Variants in ATP8A2 observed in about 807,000 individuals in gnomAD.
ATP8A2 encodes the protein phospholipid-transporting ATPase IB.
ATP8A2 carries 100 observed loss-of-function variants against 165.6 expected under a neutral mutation model. The observed-to-expected ratio is 0.60, with a 90% confidence interval of 0.51 to 0.71. The LOEUF (loss-of-function observed/expected upper bound fraction) is 0.71. ATP8A2 is among the 30% of genes least tolerant of loss of function. ATP8A2 has a pLI of 0.00. For synonymous variants in ATP8A2, 543 were observed against 548.8 expected, an observed-to-expected ratio of 0.99 and a Z score of 0.15; for missense variants, 1,227 against 1,479.5, an observed-to-expected ratio of 0.83 and a Z score of 2.80.
intron 33 of ATP8A2, among the ~76,000 whole-genome samples, chr13:25,872,612 T>C (rs932805715): frequency 2.0e-5 from 3 of 152,138 alleles, no homozygotes; most frequent in Non-Finnish European, 4.4e-5. Context: ...TAGAAGCGAA[T>C]TGTTTGAAAT....
chr13:25,590,042 C>G (rs1359366055), intron 24 of ATP8A2, among the ~76,000 whole-genome samples: 1 of 152,172 alleles, frequency 6.6e-6, no homozygotes, highest in East Asian at 1.9e-4. Flanking sequence ...GTTAATTTCA[C>G]TATAAGTTAC....
chr13:25,530,463 A>G (rs2037995217), intron 3 of ATP8A2, 99 bp from the exon 4 acceptor site: 2 of 712,156 alleles, frequency 2.8e-6, no homozygotes, highest in Non-Finnish European at 2.5e-6. Context: ...ATGGAACAGA[A>G]CTGCAAAAGT....
chr13:25,719,858 C>T (rs995225101), intron 25 of ATP8A2, among the ~76,000 whole-genome samples: 1 of 152,156 alleles, frequency 6.6e-6, no homozygotes, highest in Non-Finnish European at 1.5e-5. Context: ...GCTGTGGGGC[C>T]CCCATGGTGG....
At chr13:25,430,416 G>C (rs542746579) in intron 1 of ATP8A2, among the ~76,000 whole-genome samples, 1 of 152,150 alleles carries the variant, frequency 6.6e-6, no homozygotes, top group Non-Finnish European at 1.5e-5. Flanking sequence ...AGTTTTGTAG[G>C]AGCAGGAGTG....
At chr13:25,545,564 T>G (rs1482135695) in intron 10 of ATP8A2, among the ~76,000 whole-genome samples, 1 of 152,172 alleles carries the variant, frequency 6.6e-6, no homozygotes, top group Non-Finnish European at 1.5e-5. Context: ...ACTCCCATAG[T>G]GCAGTGTCAG....
chr13:25,917,106 G>A (rs188849653), intron 33 of ATP8A2, among the ~76,000 whole-genome samples: 21 of 152,286 alleles, frequency 1.4e-4, no homozygotes, highest in African/African-American at 4.6e-4. Context: ...GACTCTAGCC[G>A]CCCATGCCTG....
intron 2 of ATP8A2, among the ~76,000 whole-genome samples, chr13:25,497,533 G>A (rs551789610): frequency 5.3e-5 from 8 of 152,332 alleles, no homozygotes; most frequent in African/African-American, 1.4e-4. Flanking sequence ...TGATTCTGCA[G>A]TGTTAGTTTA....
chr13:25,397,202 G>A (rs1290169445), intron 1 of ATP8A2, among the ~76,000 whole-genome samples: 1 of 152,210 alleles, frequency 6.6e-6, no homozygotes, highest in Admixed American at 6.5e-5. Flanking sequence ...CTACCAGTGA[G>A]GAGGGGAAGA....
chr13:25,692,072 G>C lies in ATP8A2; in HGVS notation c.2212-7101G>C, dbSNP rs142070495. Among the ~76,000 whole-genome samples the C allele has an allele frequency of 7.4e-3, 1,134 of 152,294 alleles. 29 individuals are homozygous for C. The highest frequency in any genetic ancestry group is 0.046 in the South Asian group (222 of 4,824). On this transcript the variant is annotated intron_variant, in intron 24 of 36. Transcript: ENST00000381655. ...GGGTGTGAGAGGCTGGGCAGGGAAC[G>C]ATCTGAAGAATGGGGGAGGGCGATG...
chr13:25,560,188 A>G (rs986173275), intron 15 of ATP8A2, among the ~76,000 whole-genome samples: 7 of 152,118 alleles, frequency 4.6e-5, no homozygotes, highest in African/African-American at 1.7e-4. Flanking sequence ...AAAGTTGCAT[A>G]TATGTTGTTT....
At chr13:25,499,538 G>T (rs2036785629) in intron 2 of ATP8A2, among the ~76,000 whole-genome samples, 1 of 152,142 alleles carries the variant, frequency 6.6e-6, no homozygotes, top group South Asian at 2.1e-4. Context: ...CTGTAAGTTG[G>T]TGCTCATCTA....
At chr13:25,761,291 T>G (rs371666730) in intron 25 of ATP8A2, among the ~76,000 whole-genome samples, 8 of 152,316 alleles carry the variant, frequency 5.3e-5, no homozygotes, top group African/African-American at 1.9e-4. Context: ...CATCAGGGTT[T>G]GTCATTAAGT....
intron 25 of ATP8A2, among the ~76,000 whole-genome samples, chr13:25,757,480 C>T (rs2044287139): frequency 6.7e-6 from 1 of 149,232 alleles, no homozygotes; most frequent in Admixed American, 6.8e-5. Flanking sequence ...TATCCATGTG[C>T]CAGTTCAGTG....
chr13:25,700,067 A>T (rs912755576), intron 25 of ATP8A2, among the ~76,000 whole-genome samples: 2 of 152,174 alleles, frequency 1.3e-5, no homozygotes, highest in Admixed American at 1.3e-4. Context: ...TGGTCACAGG[A>T]TATTCAGGGA....
At chr13:25,837,842 TAAAAA>T (rs1304972649) in intron 29 of ATP8A2, among the ~76,000 whole-genome samples, 3 of 151,128 alleles carry the variant, frequency 2.0e-5, no homozygotes, top group Non-Finnish European at 4.4e-5. Flanking sequence ...CAAAAAAAAA[TAAAAA>T]AAAGAAAGAT....
At chr13:25,876,874 A>G (rs905549541) in intron 33 of ATP8A2, among the ~76,000 whole-genome samples, 1 of 152,196 alleles carries the variant, frequency 6.6e-6, no homozygotes, top group Non-Finnish European at 1.5e-5. Flanking sequence ...TCTATAATAT[A>G]AACTAATTGA....
Position 25,956,460 on chromosome 13 carries a change from T to C in ATP8A2, c.3184-5115T>C, listed in dbSNP as rs190594893. On this transcript the variant is annotated intron_variant, in intron 33 of 36. Transcript: ENST00000381655. The stretch of plus-strand genomic sequence containing the variant: ...AATCAATGTGCAAAAATCACAAGCA[T>C]TCCTATACACCCATAACAGACAAAC... 1.6e-4 allele frequency among the ~76,000 whole-genome samples: 25 copies of C among 152,266 alleles called. No individual in the cohort carries two copies. The East Asian group carries it at 4.8e-3, about 29-fold the overall frequency.
intron 35 of ATP8A2, among the ~76,000 whole-genome samples, chr13:26,000,659 A>G (rs1457357755): frequency 2.0e-5 from 3 of 148,354 alleles, no homozygotes; most frequent in Admixed American, 6.9e-5. Context: ...TTTCATAGCA[A>G]TAGTTCCCAG....
chr13:25,405,546 G>A (rs539598567), intron 1 of ATP8A2, among the ~76,000 whole-genome samples: 15 of 152,150 alleles, frequency 9.9e-5, no homozygotes, highest in Middle Eastern at 3.4e-3. Context: ...TACTCCCAGC[G>A]TGCTCTCTTG....
Sources: gnomAD v4.1 joint callset for allele counts (sites outside exome capture counted in the v4.1 genomes callset) on GRCh38, gnomAD v4.1.1 for gene constraint, MANE v1.5 for transcripts, NCBI Gene and HGNC (gene_info 2026-07-23, HGNC 2026-07-21) for gene names.